SLC25A48: variants seen among roughly 807,000 people sequenced by gnomAD.
SLC25A48 encodes CTC-321K16.1.
SLC25A48 carries 29 observed loss-of-function variants against 32.2 expected under a neutral mutation model. That is an observed-to-expected ratio of 0.90 (90% CI 0.67 to 1.23). The LOEUF is 1.23. Ranked by LOEUF, SLC25A48 falls within the 50% of genes most tolerant of loss-of-function variation. SLC25A48 has a pLI of 0.00. For missense variants in SLC25A48, 399 were observed against 422.7 expected (o/e 0.94, Z 0.49); for synonymous variants, 164 against 172.3 (o/e 0.95, Z 0.38).
intron 3 of SLC25A48, among the ~76,000 whole-genome samples, chr5:135,718,983 TG>T (rs1754881067): frequency 6.6e-6 from 1 of 152,008 alleles, no homozygotes; most frequent in Admixed American, 6.5e-5. Flanking sequence ...TGAGTACAAC[TG>T]GGGAGGTTTG....
chr5:135,784,619 C>G (rs1320194225), intron 3 of SLC25A48, among the ~76,000 whole-genome samples: 2 of 118,362 alleles, frequency 1.7e-5, no homozygotes, highest in African/African-American at 5.1e-5. Flanking sequence ...TATTATTACT[C>G]TCAATATCGC....
intron 3 of SLC25A48, among the ~76,000 whole-genome samples, chr5:135,679,857 G>A (rs989894069): frequency 6.6e-6 from 1 of 152,124 alleles, no homozygotes; most frequent in African/African-American, 2.4e-5. Context: ...AGTGTGTTTG[G>A]GATCCAGTGC....
At chr5:135,585,191 A>T (rs527300100) in intron 1 of SLC25A48, among the ~76,000 whole-genome samples, 8 of 152,086 alleles carry the variant, frequency 5.3e-5, no homozygotes, top group African/African-American at 1.9e-4. Flanking sequence ...CAGCCCCTCC[A>T]TCCGGCCTCA....
intron 1 of SLC25A48, among the ~76,000 whole-genome samples, chr5:135,839,204 C>T (rs1758791997): frequency 6.6e-6 from 1 of 152,186 alleles, no homozygotes; most frequent in African/African-American, 2.4e-5. Flanking sequence ...TTTGCTAACT[C>T]CTGGGAGACA....
intron 3 of SLC25A48, among the ~76,000 whole-genome samples, chr5:135,709,279 C>A (rs1209114696): frequency 6.6e-6 from 1 of 152,236 alleles, no homozygotes; most frequent in Non-Finnish European, 1.5e-5. Context: ...TTGGCCTGGA[C>A]TCCCTAGCCT....
intron 3 of SLC25A48, among the ~76,000 whole-genome samples, chr5:135,701,019 T>C (rs978585976): frequency 6.6e-6 from 1 of 152,178 alleles, no homozygotes; most frequent in African/African-American, 2.4e-5. Flanking sequence ...CCTATAGATC[T>C]GGCAATGGGC....
chr5:135,776,275 G>T (rs1756557544), intron 3 of SLC25A48, among the ~76,000 whole-genome samples: 1 of 148,854 alleles, frequency 6.7e-6, no homozygotes, highest in Admixed American at 6.7e-5. Flanking sequence ...CTGGGGGGTG[G>T]GGGGCAGAGA....
At chr5:135,646,659 T>TTTTATATATA (rs1339935279) in intron 3 of SLC25A48, among the ~76,000 whole-genome samples, 1 of 125,398 alleles carries the variant, frequency 8.0e-6, no homozygotes, top group African/African-American at 3.0e-5. Context: ...TAATTTCCCA[T>TTTTATATATA]TATATATATA....
chr5:135,887,350 TAA>T (rs1469773919), intron 7 of SLC25A48, among the ~76,000 whole-genome samples: 1 of 152,078 alleles, frequency 6.6e-6, no homozygotes, highest in East Asian at 1.9e-4. Context: ...TGTGAGAACA[TAA>T]GATTGAAAAG....
intron 2 of SLC25A48, among the ~76,000 whole-genome samples, chr5:135,844,134 A>G (rs1169684287): frequency 2.0e-5 from 3 of 152,136 alleles, no homozygotes; most frequent in Non-Finnish European, 1.5e-5. Flanking sequence ...CTGGCTAGTT[A>G]CCGTGCCCAG....
At chr5:135,711,926 C>T (rs939297616) in intron 3 of SLC25A48, among the ~76,000 whole-genome samples, 15 of 151,932 alleles carry the variant, frequency 9.9e-5, no homozygotes, top group African/African-American at 3.6e-4. Flanking sequence ...GCCCCCCTGC[C>T]TCTAGTGTCC....
chr5:135,813,298 C>T (rs752346551), intron 4 of SLC25A48, among the ~76,000 whole-genome samples: 1 of 152,074 alleles, frequency 6.6e-6, no homozygotes, highest in Non-Finnish European at 1.5e-5. Flanking sequence ...CTGGTAGCAG[C>T]GTGGGTTGGG....
At chr5:135,872,953 G>A (rs559119315) in intron 5 of SLC25A48, among the ~76,000 whole-genome samples, 73 of 152,200 alleles carry the variant, frequency 4.8e-4, no homozygotes, top group Non-Finnish European at 1.0e-3. Flanking sequence ...AGTCAGTACC[G>A]ACTGGCAGAG....
chr5:135,810,032 C>G (rs1243618087), intron 3 of SLC25A48, among the ~76,000 whole-genome samples: 2 of 152,022 alleles, frequency 1.3e-5, no homozygotes. Context: ...GAGATGGGGT[C>G]TCAATACATT....
chr5:135,622,690 G>T (rs1752352010), intron 1 of SLC25A48, among the ~76,000 whole-genome samples: 1 of 152,176 alleles, frequency 6.6e-6, no homozygotes, highest in Non-Finnish European at 1.5e-5. Flanking sequence ...AGGATGATTA[G>T]ATTTGAGCAA....
intron 3 of SLC25A48, among the ~76,000 whole-genome samples, chr5:135,805,034 A>T (rs1279486679): frequency 6.6e-6 from 1 of 151,350 alleles, no homozygotes; most frequent in Non-Finnish European, 1.5e-5. Context: ...AATATTATTC[A>T]TAGTATCCTA....
rs140926409 is a variant in SLC25A48, at chr5:135,686,037, C to T, written c.-521+51081C>T. 3.4e-3 allele frequency among the ~76,000 whole-genome samples: 521 copies of T among 152,272 alleles called. 4 individuals are homozygous for T. The highest frequency in any genetic ancestry group is 5.8e-3 in the Non-Finnish European group (393 of 68,018). On this transcript the variant is annotated intron_variant, in intron 3 of 10. Coordinates refer to the SLC25A48 transcript ENST00000646290. ...TTCTGTGACTTGGTTCATATGAGGC[C>T]GGAGCAAGCTGAACTTGAATGGAGC...
intron 3 of SLC25A48, among the ~76,000 whole-genome samples, chr5:135,722,790 G>A (rs987316868): frequency 4.6e-5 from 7 of 152,252 alleles, no homozygotes; most frequent in East Asian, 3.8e-4. Context: ...CTTAGAGGGT[G>A]CTCTGGAATG....
intron 3 of SLC25A48, among the ~76,000 whole-genome samples, chr5:135,659,396 C>G (rs1172245587): frequency 6.6e-6 from 1 of 152,218 alleles, no homozygotes; most frequent in Non-Finnish European, 1.5e-5. Flanking sequence ...CATCTGAGAT[C>G]TAATCAGCCT....
Sources: allele counts gnomAD v4.1 joint callset (sites outside exome capture counted in the v4.1 genomes callset), GRCh38; gene constraint gnomAD v4.1.1; transcripts MANE v1.5; gene names NCBI Gene and HGNC (gene_info 2026-07-23, HGNC 2026-07-21).